The following IPCEF1 variants were observed in gnomAD, a reference collection of about 807,000 sequenced individuals.
IPCEF1 encodes interaction protein for cytohesin exchange factors 1.
In IPCEF1, 31 loss-of-function variants were observed where a neutral mutation model predicts 50.9. That is an observed-to-expected ratio of 0.61 (90% confidence interval 0.46 to 0.82). IPCEF1 has a LOEUF of 0.82. IPCEF1 is among the 40% of genes least tolerant of loss of function. The pLI is 0.00. For missense variants in IPCEF1, 458 were observed against 514.0 expected, an observed-to-expected ratio of 0.89 and a Z score of 1.05; for synonymous variants, 181 against 192.0, an observed-to-expected ratio of 0.94 and a Z score of 0.47.
intron 1 of IPCEF1, among the ~76,000 whole-genome samples, chr6:154,353,437 G>A (rs189081915): frequency 3.3e-5 from 5 of 151,782 alleles, no homozygotes; most frequent in Admixed American, 2.0e-4. Flanking sequence ...ACGTGCGCCC[G>A]CACCATGCCC....
intron 1 of IPCEF1, among the ~76,000 whole-genome samples, chr6:154,347,628 A>C (rs1784055874): frequency 6.6e-6 from 1 of 152,192 alleles, no homozygotes; most frequent in South Asian, 2.1e-4. Flanking sequence ...TTTTGCCATT[A>C]AAGACTACTT....
chr6:154,319,496 G>A (rs936485055), intron 1 of IPCEF1, among the ~76,000 whole-genome samples: 2 of 152,160 alleles, frequency 1.3e-5, no homozygotes, highest in Non-Finnish European at 2.9e-5. Flanking sequence ...CTCCTAAGAT[G>A]TTTTCCACAT....
At chr6:154,267,451 T>C (rs1781785100) in intron 2 of IPCEF1, among the ~76,000 whole-genome samples, 1 of 152,214 alleles carries the variant, frequency 6.6e-6, no homozygotes, top group African/African-American at 2.4e-5. Context: ...TTGAAAAGAA[T>C]ATTCTCACAT....
At chr6:154,306,974 C>T (rs570295448) in intron 1 of IPCEF1, among the ~76,000 whole-genome samples, 145 of 152,220 alleles carry the variant, frequency 9.5e-4, no homozygotes, top group African/African-American at 3.4e-3. Flanking sequence ...CACAAAATAC[C>T]GCAGACTGGG....
intron 7 of IPCEF1, among the ~76,000 whole-genome samples, chr6:154,216,198 G>C (rs1257582273): frequency 6.6e-6 from 1 of 151,610 alleles, no homozygotes; most frequent in Non-Finnish European, 1.5e-5. Flanking sequence ...GCTTGTAATG[G>C]CAAAAAGAAA....
intron 5 of IPCEF1, among the ~76,000 whole-genome samples, chr6:154,236,645 T>C (rs907645236): frequency 1.3e-5 from 2 of 152,226 alleles, no homozygotes; most frequent in Non-Finnish European, 2.9e-5. Flanking sequence ...TTTTACAAGA[T>C]TCAAGGTGTG....
rs573983840 is a variant in IPCEF1, at chr6:154,260,447, G to A, written c.36+5465C>T. 6.0e-5 allele frequency among the ~76,000 whole-genome samples: 9 copies of A among 150,690 alleles called. No individual in the cohort carries two copies. The South Asian group carries it at 1.5e-3, about 25-fold the overall frequency. The stretch of plus-strand genomic sequence containing the variant: ...TGTTTTCCTTCTTTAGTTGAACAGC[G>A]TTACTAAAATCTATCTAAGACCAGA... On this transcript the variant is annotated intron_variant, in intron 3 of 11. Transcript: ENST00000367220.
At chr6:154,198,670 T>C (rs1776827367) in intron 10 of IPCEF1, among the ~76,000 whole-genome samples, 2 of 121,038 alleles carry the variant, frequency 1.7e-5, no homozygotes, top group South Asian at 5.4e-4. Context: ...ACACAACTTG[T>C]TCTGCAGTTG....
chr6:154,185,985 G>A (rs776228648), intron 10 of IPCEF1, among the ~76,000 whole-genome samples: 3 of 152,200 alleles, frequency 2.0e-5, no homozygotes, highest in African/African-American at 7.2e-5. Context: ...CTTAACAGGG[G>A]TTATTGCTTG....
At chr6:154,193,695 G>A (rs1456286458) in intron 10 of IPCEF1, among the ~76,000 whole-genome samples, 3 of 152,164 alleles carry the variant, frequency 2.0e-5, no homozygotes, top group Non-Finnish European at 2.9e-5. Flanking sequence ...CCTCTACACC[G>A]CTAGACCACA....
Position 154,335,738 on chromosome 6 carries a change from CTATT to C in IPCEF1, c.-62+20930_-62+20933del, listed in dbSNP as rs578227484. Among the ~76,000 whole-genome samples, 55 of 152,188 alleles carry C rather than the reference CTATT, an allele frequency of 3.6e-4. 2 individuals are homozygous for C. In the South Asian group the frequency reaches 0.011, roughly 30 times the overall value. On this transcript the variant is annotated intron_variant, in intron 1 of 11. Coordinates refer to ENST00000367220, the MANE Select transcript of IPCEF1 (RefSeq NM_001130700.2). ...TTGAATGGGAGAAAATATCAGCAAA[CTATT>C]TATCCAAGAAGGGACTAATATTCAG... is the stretch of plus-strand genomic sequence containing the variant.
intron 1 of IPCEF1, among the ~76,000 whole-genome samples, chr6:154,342,270 A>G (rs756411950): frequency 4.6e-5 from 7 of 152,198 alleles, no homozygotes; most frequent in Non-Finnish European, 1.0e-4. Context: ...GAACAAAGAC[A>G]AGATCAATCA....
chr6:154,216,391 T>A (rs1275247362), intron 7 of IPCEF1, among the ~76,000 whole-genome samples: 1 of 152,158 alleles, frequency 6.6e-6, no homozygotes, highest in Non-Finnish European at 1.5e-5. Flanking sequence ...CCTTTGAAAT[T>A]ACAAATTTCC....
chr6:154,340,648 G>A (rs1252402302), intron 1 of IPCEF1, among the ~76,000 whole-genome samples: 1 of 151,970 alleles, frequency 6.6e-6, no homozygotes, highest in Non-Finnish European at 1.5e-5. Flanking sequence ...CACTTTGGGA[G>A]GCCGAGGTGG....
intron 9 of IPCEF1, among the ~76,000 whole-genome samples, chr6:154,205,428 C>T (rs1777410924): frequency 6.6e-6 from 1 of 152,124 alleles, no homozygotes; most frequent in Non-Finnish European, 1.5e-5. Context: ...AACCCTGTCT[C>T]TACTAAAAAT....
chr6:154,331,405 A>AAGAAAGAGAGAGAG lies in IPCEF1; in HGVS notation c.-62+25266_-62+25267insCTCTCTCTCTTTCT, dbSNP rs60403800. 4.3e-5 allele frequency among the ~76,000 whole-genome samples: 4 copies of AAGAAAGAGAGAGAG among 93,022 alleles called. No homozygotes were observed. The East Asian group carries it at 1.9e-3, about 43-fold the overall frequency. 61.0% of individuals were successfully genotyped at this position (93,022 alleles called of 152,430 possible). A position where few individuals can be genotyped will look rare whatever the true frequency, so the allele number is the denominator to read the frequency against. On this transcript the variant is annotated intron_variant, in intron 1 of 11. Transcript: ENST00000367220. ...AAAGAAAGAAAGAAAGAAAGAAAGA[A>AAGAAAGAGAGAGAG]AGAGAGAGAAAAAGAAAGAGAGAGA...
At chr6:154,165,498 C>A (rs1349699793) in intron 11 of IPCEF1, among the ~76,000 whole-genome samples, 1 of 152,178 alleles carries the variant, frequency 6.6e-6, no homozygotes. Context: ...GTCCTCCTAC[C>A]TCCTGAGATT....
intron 1 of IPCEF1, among the ~76,000 whole-genome samples, chr6:154,314,932 A>G (rs1198079787): frequency 1.3e-4 from 19 of 150,264 alleles, no homozygotes; most frequent in Non-Finnish European, 2.4e-4. Context: ...CCAGGCTGGA[A>G]TGCAGTGACA....
chr6:154,209,265 G>T (rs1213626399), intron 9 of IPCEF1, among the ~76,000 whole-genome samples: 2 of 152,002 alleles, frequency 1.3e-5, no homozygotes, highest in African/African-American at 4.8e-5. Flanking sequence ...AAAAACTTGG[G>T]GAAAAAAATA....
Sources: gnomAD v4.1 joint callset for allele counts (sites outside exome capture counted in the v4.1 genomes callset) on GRCh38, gnomAD v4.1.1 for gene constraint, MANE v1.5 for transcripts, NCBI Gene and HGNC (gene_info 2026-07-23, HGNC 2026-07-21) for gene names.